The following MAPK4 variants were observed in gnomAD, a reference collection of about 807,000 sequenced individuals.
MAPK4 encodes Erk3-related.
A neutral mutation model predicts 47.7 loss-of-function variants in MAPK4; 22 were observed. That is an observed-to-expected ratio of 0.46 (90% CI 0.33 to 0.66). The LOEUF is 0.66. Among genes scored for constraint, MAPK4 ranks in the 30% least tolerant of loss-of-function variants. The pLI is 0.02. For missense variants in MAPK4, 736 were observed against 831.7 expected (o/e 0.88, Z 1.42); for synonymous variants, 390 against 365.7 (o/e 1.07, Z -0.76).
chr18:50,722,623 G>C (rs1910994058), intron 4 of MAPK4, among the ~76,000 whole-genome samples: 1 of 152,176 alleles, frequency 6.6e-6, no homozygotes, highest in Non-Finnish European at 1.5e-5. Flanking sequence ...ACCCAGTCTC[G>C]GTGACAGCAT....
At chr18:50,607,669 A>T (rs6508012) in intron 1 of MAPK4, among the ~76,000 whole-genome samples, 1 of 152,344 alleles carries the variant, frequency 6.6e-6, no homozygotes, top group South Asian at 2.1e-4. Context: ...CTTAGGAACC[A>T]CTCTCAGTCA....
At chr18:50,615,895 GAAAAACTGGGTTC>G (rs2042680559) in intron 1 of MAPK4, among the ~76,000 whole-genome samples, 1 of 152,148 alleles carries the variant, frequency 6.6e-6, no homozygotes. Context: ...ATACCTTGGG[GAAAAACTGGGTTC>G]AAATCTACAA....
intron 1 of MAPK4, among the ~76,000 whole-genome samples, chr18:50,658,266 A>G (rs1434101819): frequency 6.6e-6 from 1 of 152,126 alleles, no homozygotes; most frequent in African/African-American, 2.4e-5. Context: ...AGGTGTGCCT[A>G]CCCCACATTT....
At chr18:50,572,193 C>T (rs1281437065) in intron 1 of MAPK4, among the ~76,000 whole-genome samples, 4 of 152,042 alleles carry the variant, frequency 2.6e-5, no homozygotes, top group Non-Finnish European at 5.9e-5. Flanking sequence ...GTAATAAAGC[C>T]AGTGAAATAT....
intron 1 of MAPK4, among the ~76,000 whole-genome samples, chr18:50,604,279 G>C (rs746689390): frequency 3.2e-4 from 48 of 152,320 alleles, no homozygotes; most frequent in South Asian, 4.1e-4. Context: ...AGGCAGGAAA[G>C]TATGTGATAT....
intron 1 of MAPK4, among the ~76,000 whole-genome samples, chr18:50,661,727 G>A (rs547419039): frequency 3.9e-5 from 6 of 152,322 alleles, no homozygotes; most frequent in African/African-American, 1.4e-4. Flanking sequence ...ACCATCTCCA[G>A]ATAAGGACCA....
intron 2 of MAPK4, among the ~76,000 whole-genome samples, chr18:50,688,682 G>A (rs570131518): frequency 5.4e-4 from 82 of 152,190 alleles, no homozygotes; most frequent in Middle Eastern, 3.4e-3. Context: ...TTGGAGCTAA[G>A]CTATGAGGAT....
intron 1 of MAPK4, among the ~76,000 whole-genome samples, chr18:50,582,376 G>A (rs1294630938): frequency 2.0e-5 from 3 of 152,224 alleles, no homozygotes; most frequent in African/African-American, 4.8e-5. Context: ...CTAAGAAAGT[G>A]CAGGGCTACC....
chr18:50,581,970 T>C (rs1336089089), intron 1 of MAPK4, among the ~76,000 whole-genome samples: 1 of 152,174 alleles, frequency 6.6e-6, no homozygotes, highest in Non-Finnish European at 1.5e-5. Context: ...TTATGAAGAA[T>C]AGGGCAGCTT....
At chr18:50,719,363 A>G (rs576587064) in intron 3 of MAPK4, among the ~76,000 whole-genome samples, 1 of 152,280 alleles carries the variant, frequency 6.6e-6, no homozygotes, top group South Asian at 2.1e-4. Context: ...CAAAACAAAA[A>G]AAAATACACA....
At chr18:50,718,820 G>A (rs1302761007) in intron 3 of MAPK4, among the ~76,000 whole-genome samples, 4 of 152,074 alleles carry the variant, frequency 2.6e-5, no homozygotes, top group Admixed American at 6.5e-5. Flanking sequence ...GGTGGTTCAT[G>A]TCTGTAATCC....
chr18:50,633,224 T>C (rs1305905115), intron 1 of MAPK4, among the ~76,000 whole-genome samples: 1 of 152,186 alleles, frequency 6.6e-6, no homozygotes, highest in Non-Finnish European at 1.5e-5. Context: ...TCGTGGAGTC[T>C]AGAGACTTTG....
intron 2 of MAPK4, among the ~76,000 whole-genome samples, chr18:50,689,845 T>A (rs900096986): frequency 1.3e-5 from 2 of 152,226 alleles, no homozygotes; most frequent in African/African-American, 4.8e-5. Context: ...TTTCTCCAAA[T>A]TTGACATGAA....
At chr18:50,679,369 T>C (rs913162130) in intron 2 of MAPK4, among the ~76,000 whole-genome samples, 13 of 151,910 alleles carry the variant, frequency 8.6e-5, no homozygotes, top group East Asian at 1.9e-4. Context: ...AGGGAAGGAG[T>C]GATCAGCCAA....
At chr18:50,593,959 C>T (rs915162789) in intron 1 of MAPK4, among the ~76,000 whole-genome samples, 8 of 152,152 alleles carry the variant, frequency 5.3e-5, no homozygotes, top group African/African-American at 1.9e-4. Flanking sequence ...AGTAGTGGCT[C>T]AGTCTGAGTC....
intron 3 of MAPK4, among the ~76,000 whole-genome samples, chr18:50,715,745 G>A (rs1023891012): frequency 6.6e-6 from 1 of 152,200 alleles, no homozygotes; most frequent in Non-Finnish European, 1.5e-5. Context: ...CTATAACTGT[G>A]AGAAATAAAT....
At chr18:50,583,823 G>A (rs1319331470) in intron 1 of MAPK4, among the ~76,000 whole-genome samples, 1 of 152,158 alleles carries the variant, frequency 6.6e-6, no homozygotes, top group African/African-American at 2.4e-5. Context: ...CAGAATTTCT[G>A]GATCTCTGGG....
At chr18:50,706,394 A>ACCC (rs539766381) in intron 2 of MAPK4, among the ~76,000 whole-genome samples, 1 of 139,180 alleles carries the variant, frequency 7.2e-6, no homozygotes. Context: ...CCTGGTTCCC[A>ACCC]CCCCCCCGCC....
At chr18:50,641,847 A>T (rs1156824175) in intron 1 of MAPK4, among the ~76,000 whole-genome samples, 2 of 152,230 alleles carry the variant, frequency 1.3e-5, no homozygotes, top group African/African-American at 4.8e-5. Context: ...AATTTATGCT[A>T]AATAGCATAA....
Sources: allele counts gnomAD v4.1 joint callset (sites outside exome capture counted in the v4.1 genomes callset), GRCh38; gene constraint gnomAD v4.1.1; transcripts MANE v1.5; gene names NCBI Gene and HGNC (gene_info 2026-07-23, HGNC 2026-07-21).